Variants in GRPR observed in about 807,000 individuals in gnomAD.
GRPR encodes gastrin releasing peptide receptor.
A neutral mutation model predicts 15.6 loss-of-function variants in GRPR; 4 were observed. The ratio of observed to expected loss-of-function variants is 0.26; its 90% CI spans 0.13 to 0.59. The LOEUF is 0.59. GRPR is among the 20% of genes least tolerant of loss of function. The pLI is 0.90. For missense variants in GRPR, 270 were observed against 304.1 expected (o/e 0.89, Z 0.83); for synonymous variants, 128 against 126.8 (o/e 1.01, Z -0.06).
chrX:16,127,876 G>T (rs1346334724), intron 1 of GRPR, among the ~76,000 whole-genome samples: 1 of 111,827 alleles, frequency 8.9e-6, no homozygotes, highest in Admixed American at 9.5e-5. Flanking sequence ...AGCCATTCTA[G>T]CTCAAATTTC....
At chrX:16,139,289 A>AAGTCTTGACC (rs376904200) in intron 1 of GRPR, among the ~76,000 whole-genome samples, 11,779 of 111,906 alleles carry the variant, frequency 0.11, 1,549 homozygotes, top group African/African-American at 0.36. Flanking sequence ...GTTGTCGTAG[A>AAGTCTTGACC]AGTTGACTTT....
At chrX:16,145,228 G>A (rs1177492532) in intron 1 of GRPR, among the ~76,000 whole-genome samples, 1 of 111,854 alleles carries the variant, frequency 8.9e-6, no homozygotes, top group Non-Finnish European at 1.9e-5. Flanking sequence ...GTTCACAATA[G>A]CCAAGATTAG....
intron 1 of GRPR, among the ~76,000 whole-genome samples, chrX:16,124,796 A>G (rs1416350610): frequency 8.9e-6 from 1 of 112,248 alleles, no homozygotes; most frequent in Non-Finnish European, 1.9e-5. Flanking sequence ...ATTTCTTCAA[A>G]ACGTTCTTTC....
chrX:16,152,140 C>G lies in GRPR; in HGVS notation c.766-116C>G, dbSNP rs761216229. 6 of 653,424 alleles carry G rather than the reference C, an allele frequency of 9.2e-6. No individual in the cohort carries two copies. In the Admixed American group the frequency reaches 1.1e-4, roughly 12 times the overall value. 53.8% of individuals were successfully genotyped at this position (653,424 alleles called of 1,213,427 possible). ...TTTTTCGGTGGCTTTGTGAACTCCT[C>G]TATTGCCCTAATTGTTTTTCCCTTT... On this transcript the variant is annotated intron_variant, in intron 2 of 2. Transcript: ENST00000380289.
intron 1 of GRPR, among the ~76,000 whole-genome samples, chrX:16,130,085 A>AT (rs973635447): frequency 2.2e-4 from 24 of 110,903 alleles, no homozygotes; most frequent in Non-Finnish European, 1.3e-4. Flanking sequence ...GCTTTCATTG[A>AT]TTTTTTTTCC....
intron 1 of GRPR, among the ~76,000 whole-genome samples, chrX:16,138,497 AG>A (rs200153081): frequency 1.8e-5 from 2 of 112,314 alleles, no homozygotes; most frequent in East Asian, 5.5e-4. Flanking sequence ...TTTTACAATA[AG>A]CTCTTTGTAG....
At position 16,130,107 on chromosome X, in the gene GRPR, G is replaced by A. The variant is rs774267375; in HGVS notation, c.413+5741G>A. On this transcript the variant is annotated intron_variant, in intron 1 of 2. Coordinates refer to ENST00000380289, the MANE Select transcript of GRPR (RefSeq NM_005314.3). ...TTGATTTTTTTTCCCTTCCTAAGATGTTTCTGCCTGTATTGTTCATTAAAT... is the reference window on the plus strand; with the variant it reads ...TTGATTTTTTTTCCCTTCCTAAGATATTTCTGCCTGTATTGTTCATTAAAT... Among the ~76,000 whole-genome samples the A allele has an allele frequency of 2.0e-4, 22 of 111,440 alleles. 1 individual carries two copies. The highest frequency in any genetic ancestry group is 9.8e-5 in the African/African-American group (3 of 30,582).
intron 1 of GRPR, among the ~76,000 whole-genome samples, chrX:16,129,635 G>A (rs1569125542): frequency 8.9e-6 from 1 of 112,012 alleles, no homozygotes; most frequent in Non-Finnish European, 1.9e-5. Flanking sequence ...CTTTCTGTCT[G>A]TGAAATATCT....
intron 1 of GRPR, among the ~76,000 whole-genome samples, chrX:16,133,412 C>G (rs1485459269): frequency 1.8e-5 from 2 of 111,707 alleles, no homozygotes; most frequent in Non-Finnish European, 3.8e-5. Context: ...TTTGTACATA[C>G]TTTACATATA....
intron 1 of GRPR, among the ~76,000 whole-genome samples, chrX:16,124,681 A>G (rs1375678111): frequency 8.9e-6 from 1 of 112,195 alleles, no homozygotes; most frequent in Non-Finnish European, 1.9e-5. Context: ...TTGCAAAATT[A>G]ATTGACCAGT....
Position 16,150,360 on chromosome X carries a change from A to T in GRPR, c.469A>T (p.Ile157Phe), listed in dbSNP as rs1194029159. Reference protein sequence around the residue: ...DIQASHALMKICLKAAFIWII... With the variant: ...DIQASHALMKFCLKAAFIWII... Reference sequence around the variant, plus strand: ...CCAGGCCTCTCATGCCCTGATGAAGATCTGCCTCAAAGCCGCCTTTATCTG... The same window carrying T: ...CCAGGCCTCTCATGCCCTGATGAAGTTCTGCCTCAAAGCCGCCTTTATCTG... Residue 157 changes from isoleucine to phenylalanine, a missense_variant, in exon 2 of 3, where the codon ATC becomes TTC. Transcript: ENST00000380289. The T allele has an allele frequency of 1.7e-6, 2 of 1,209,514 alleles. No individual in the cohort carries two copies. The highest frequency in any genetic ancestry group is 3.5e-5 in the South Asian group (2 of 56,895).
At chrX:16,150,759 G>A (rs1038316093) in intron 2 of GRPR, 103 bp downstream of exon 2, 1 of 544,982 alleles carries the variant, frequency 1.8e-6, no homozygotes, top group Non-Finnish European at 3.3e-6. Flanking sequence ...GCAATTAGAT[G>A]AGGTGGGTGA....
intron 1 of GRPR, among the ~76,000 whole-genome samples, chrX:16,143,746 G>A (rs1017500388): frequency 8.9e-6 from 1 of 112,382 alleles, no homozygotes; most frequent in Non-Finnish European, 1.9e-5. Flanking sequence ...GTCCCTTCTG[G>A]AGGGTAGAAT....
chrX:16,141,071 T>G (rs1481275379), intron 1 of GRPR, among the ~76,000 whole-genome samples: 2 of 112,424 alleles, frequency 1.8e-5, no homozygotes, highest in Non-Finnish European at 3.8e-5. Context: ...ATGTTCTTCC[T>G]CCATAACATT....
Position 16,124,098 on chromosome X carries a change from G to T in GRPR, c.145G>T (p.Val49Phe). ...ILYVIPAVYG[V>F]IILIGLIGNI... ...CTATGTCATCCCTGCAGTTTATGGG[G>T]TTATCATTCTGATAGGCCTCATTGG... The change falls in exon 1 of 3, where the codon GTT becomes TTT. Residue 49 changes from valine (V) to phenylalanine (F), a missense_variant. Around this residue, in one of 3 missense-constraint regions of GRPR, gnomAD observed 115 missense variants for 128.8 expected, o/e 0.89. Transcript: ENST00000380289. The T allele has an allele frequency of 2.5e-6, 3 of 1,209,485 alleles. No homozygotes were observed. The highest frequency in any genetic ancestry group is 1.1e-6 in the Non-Finnish European group (1 of 893,456).
At chrX:16,134,493 C>A (rs925472690) in intron 1 of GRPR, among the ~76,000 whole-genome samples, 1 of 111,966 alleles carries the variant, frequency 8.9e-6, no homozygotes, top group African/African-American at 3.2e-5. Context: ...AAGAGATTAG[C>A]TTTTGCTTCT....
intron 1 of GRPR, among the ~76,000 whole-genome samples, chrX:16,132,768 TTTC>T (rs1922396771): frequency 8.9e-6 from 1 of 112,022 alleles, no homozygotes; most frequent in Non-Finnish European, 1.9e-5. Context: ...ATCAAATTTC[TTTC>T]TTATCTGGAC....
chrX:16,143,971 T>C (rs1042692489), intron 1 of GRPR, among the ~76,000 whole-genome samples: 7 of 112,098 alleles, frequency 6.2e-5, no homozygotes, highest in African/African-American at 2.3e-4. Context: ...ATACAACTAG[T>C]TGGGAGAATC....
At chrX:16,125,597 T>G (rs750992229) in intron 1 of GRPR, among the ~76,000 whole-genome samples, 2 of 112,506 alleles carry the variant, frequency 1.8e-5, no homozygotes, top group Non-Finnish European at 3.8e-5. Flanking sequence ...GTGATCTGGC[T>G]TTGTTGAGTA....
Sources: allele counts gnomAD v4.1 joint callset (sites outside exome capture counted in the v4.1 genomes callset), GRCh38; gene constraint gnomAD v4.1.1; regional missense constraint gnomAD v4.1.1; transcripts MANE v1.5; gene names NCBI Gene and HGNC (gene_info 2026-07-23, HGNC 2026-07-21).